The following SPOP variants were observed in gnomAD, a reference collection of about 807,000 sequenced individuals.
SPOP encodes speckle type BTB/POZ protein.
SPOP carries 11 observed loss-of-function variants against 45.6 expected under a neutral mutation model. The observed-to-expected ratio is 0.24, with a 90% CI of 0.15 to 0.40. The LOEUF (loss-of-function observed/expected upper bound fraction) is 0.40. Among genes scored for constraint, SPOP ranks in the 10% least tolerant of loss-of-function variants. The pLI is 1.00. For synonymous variants in SPOP, 166 were observed against 166.3 expected (o/e 1.00, Z 0.01); for missense variants, 152 against 465.6 (o/e 0.33, Z 6.20).
At chr17:49,616,369 C>G (rs1009456389) in intron 5 of SPOP, among the ~76,000 whole-genome samples, 2 of 152,058 alleles carry the variant, frequency 1.3e-5, no homozygotes, top group African/African-American at 4.8e-5. Context: ...GGCTGAGTGA[C>G]GAATGGGGCA....
Position 49,657,034 on chromosome 17 carries a change from A to C in SPOP, c.-67+20899T>G, listed in dbSNP as rs560686005. 1.1e-4 allele frequency among the ~76,000 whole-genome samples: 17 copies of C among 151,934 alleles called. No individual in the cohort carries two copies. The East Asian group carries it at 2.7e-3, about 24-fold the overall frequency. On this transcript the variant is annotated intron_variant, in intron 1 of 9. Coordinates refer to ENST00000504102, the MANE Select transcript of SPOP (RefSeq NM_001007228.2). ...GTCTCTACTAAAAAAAAATACAAAA[A>C]ATTAGCTGGACATGGTGGCGGGCGC...
intron 1 of SPOP, among the ~76,000 whole-genome samples, chr17:49,649,405 C>T (rs2072809334): frequency 1.3e-5 from 2 of 151,838 alleles, no homozygotes; most frequent in Admixed American, 1.3e-4. Context: ...GGCGTGGCGG[C>T]GCATGCCTGT....
At chr17:49,678,109 A>G, upstream of SPOP, 1 of 396,224 alleles carries the variant, frequency 2.5e-6, no homozygotes, top group Non-Finnish European at 4.4e-6. Context: ...TGGCGTCAGC[A>G]CGTCGACGCA....
At chr17:49,649,912 C>T (rs1432612768) in intron 1 of SPOP, among the ~76,000 whole-genome samples, 3 of 151,986 alleles carry the variant, frequency 2.0e-5, no homozygotes, top group East Asian at 2.0e-4. Context: ...TTTATTGAGA[C>T]GGAGTTTCGC....
rs1267873374 is a variant in SPOP, at chr17:49,600,862, G to A, written c.981-340C>T. 9 of 239,484 alleles carry A rather than the reference G, an allele frequency of 3.8e-5. No individual in the cohort carries two copies. The highest frequency in any genetic ancestry group is 7.5e-5 in the Non-Finnish European group (9 of 119,508). The allele number at this position is 239,484 out of a possible 1,614,324, so 14.8% of individuals were successfully genotyped here. A position where few individuals can be genotyped will look rare whatever the true frequency, so the allele number is the denominator to read the frequency against. On this transcript the variant is annotated intron_variant, in intron 9 of 9. Transcript: ENST00000504102. This position sits in a 1 kb window ranked among gnomAD's most constrained non-coding sequence, Gnocchi z 4.2. ...ATGGGCTCCCTCGGCCAGAAGCCCTGAGCTTCTGCCTGGCTTTGCCACTCA... is the reference window on the plus strand; with the variant it reads ...ATGGGCTCCCTCGGCCAGAAGCCCTAAGCTTCTGCCTGGCTTTGCCACTCA...
intron 6 of SPOP, among the ~76,000 whole-genome samples, chr17:49,609,823 G>A (rs2071930763): frequency 6.6e-6 from 1 of 151,818 alleles, no homozygotes; most frequent in African/African-American, 2.4e-5. Flanking sequence ...TGAAGGTGAA[G>A]AGGCAATAAC....
At chr17:49,660,702 C>T (rs1438512006) in intron 1 of SPOP, among the ~76,000 whole-genome samples, 11 of 152,304 alleles carry the variant, frequency 7.2e-5, no homozygotes, top group African/African-American at 2.4e-4. Context: ...CAGTGGCTCA[C>T]GCCTATAATC....
chr17:49,632,991 G>A (rs1270018899), intron 1 of SPOP, among the ~76,000 whole-genome samples: 1 of 152,110 alleles, frequency 6.6e-6, no homozygotes, highest in African/African-American at 2.4e-5. Flanking sequence ...TCTATACCAG[G>A]CTAAGATGTA....
At chr17:49,613,807 G>C (rs1413052641) in intron 5 of SPOP, among the ~76,000 whole-genome samples, 1 of 152,144 alleles carries the variant, frequency 6.6e-6, no homozygotes. Context: ...TTTTAACTTA[G>C]AAAGGGATTG....
rs1276142369 is a variant in SPOP, at chr17:49,601,905, C to T, written c.940G>A (p.Ala314Thr). The change falls in exon 9 of 10, where the codon GCA (alanine) becomes ACA (threonine). Residue 314 changes from alanine to threonine, a missense_variant. Physicochemically the swap from Ala to Thr is moderately conservative, Grantham distance 58. Transcript: ENST00000504102. ...EILILADLHS[A>T]DQLKTQAVDF... ...ACTGCCTGAGTTTTCAACTGATCTGCACTGTGGAGGTCGGCCAGGATGAGA... is the reference window on the plus strand; with the variant it reads ...ACTGCCTGAGTTTTCAACTGATCTGTACTGTGGAGGTCGGCCAGGATGAGA... The T allele has an allele frequency of 6.2e-7, 1 of 1,614,038 alleles. No individual in the cohort carries two copies. Among genetic ancestry groups the T allele is most frequent in the African/African-American group, 1.3e-5 (1 of 74,908 alleles).
intron 1 of SPOP, among the ~76,000 whole-genome samples, chr17:49,649,561 G>A (rs374145521): frequency 4.8e-5 from 7 of 144,692 alleles, no homozygotes; most frequent in African/African-American, 1.3e-4. Context: ...GGCCGGGCGC[G>A]GTGGCTCACG....
chr17:49,667,125 C>T (rs2073070656), intron 1 of SPOP, among the ~76,000 whole-genome samples: 1 of 148,718 alleles, frequency 6.7e-6, no homozygotes, highest in South Asian at 2.1e-4. Context: ...TTGCAATGAG[C>T]CGAGATCATG....
At chr17:49,660,074 C>A (rs2072966874) in intron 1 of SPOP, among the ~76,000 whole-genome samples, 1 of 152,108 alleles carries the variant, frequency 6.6e-6, no homozygotes, top group Non-Finnish European at 1.5e-5. Context: ...TGGGTGCAGC[C>A]CAGGCACCAG....
rs1248961336 is a variant in SPOP, at chr17:49,623,787, T to C, written c.-66-911A>G. ...TTCTCCTTGCTCTGTTTTGTGATCA[T>C]TCCTCAGTCTCCTTTACTAGATTAT... On this transcript the variant is annotated intron_variant, in intron 1 of 9. Coordinates refer to ENST00000504102, the MANE Select transcript of SPOP (RefSeq NM_001007228.2). 2.6e-5 allele frequency among the ~76,000 whole-genome samples: 4 copies of C among 152,300 alleles called. No individual in the cohort carries two copies. In the East Asian group the frequency reaches 5.8e-4, roughly 22 times the overall value.
At chr17:49,677,122 G>A (rs1376979089) in intron 1 of SPOP, among the ~76,000 whole-genome samples, 1 of 152,166 alleles carries the variant, frequency 6.6e-6, no homozygotes, top group Non-Finnish European at 1.5e-5. Context: ...TTACTAAAAT[G>A]AAATGCCTCA....
At chr17:49,625,848 G>A (rs1490137770) in intron 1 of SPOP, among the ~76,000 whole-genome samples, 1 of 152,198 alleles carries the variant, frequency 6.6e-6, no homozygotes, top group East Asian at 1.9e-4. Context: ...GAAGGAGAAG[G>A]AGACTGGGAA....
intron 5 of SPOP, chr17:49,612,726 C>T (rs2072000756): frequency 6.6e-6 from 1 of 152,222 alleles, no homozygotes; most frequent in African/African-American, 2.4e-5. Context: ...TATGCTTCAT[C>T]TCCTACATCA....
chr17:49,660,695 T>C (rs2072975564), intron 1 of SPOP, among the ~76,000 whole-genome samples: 1 of 152,208 alleles, frequency 6.6e-6, no homozygotes, highest in Non-Finnish European at 1.5e-5. Flanking sequence ...CCAGGCGCAG[T>C]GGCTCACGCC....
chr17:49,611,224 A>G, intron 6 of SPOP, 56 bp downstream of exon 6: 1 of 1,569,110 alleles, frequency 6.4e-7, no homozygotes, highest in African/African-American at 1.4e-5. Context: ...TTATGCAATC[A>G]CTTGTTTTTC....
Sources: gnomAD v4.1 joint callset for allele counts (sites outside exome capture counted in the v4.1 genomes callset) on GRCh38, gnomAD v4.1.1 for gene constraint, Gnocchi (gnomAD v3.1) non-coding constraint, MANE v1.5 for transcripts, NCBI Gene and HGNC (gene_info 2026-07-23, HGNC 2026-07-21) for gene names.